Variants in MYO18B observed in about 807,000 individuals in gnomAD.
The protein encoded by MYO18B is unconventional myosin-XVIIIb.
In MYO18B, 204 loss-of-function variants were observed where a neutral mutation model predicts 273.0. The observed-to-expected ratio is 0.75, with a 90% CI of 0.67 to 0.84. MYO18B has a LOEUF of 0.84. Ranked by LOEUF, MYO18B falls within the 40% of genes least tolerant of loss-of-function variation. The pLI is 0.00. For synonymous variants in MYO18B, 1,330 were observed against 1,305.7 expected, an observed-to-expected ratio of 1.02 and a Z score of -0.40; for missense variants, 3,212 against 3,287.6, an observed-to-expected ratio of 0.98 and a Z score of 0.56.
At position 25,847,540 on chromosome 22, in the gene MYO18B, G is replaced by C. The variant is rs1452579745; in HGVS notation, c.3663G>C (p.Gln1221His). 1 of 1,572,898 alleles carries C rather than the reference G, an allele frequency of 6.4e-7. No homozygotes were observed. The highest frequency in any genetic ancestry group is 1.2e-5 in the South Asian group (1 of 85,304). Residue 1221 changes from glutamine to histidine, a missense_variant, in exon 20 of 44, where the codon CAG (glutamine) becomes CAC (histidine). Physicochemically the swap from Gln to His is conservative, Grantham distance 24. Transcript: ENST00000335473. The part of the protein sequence containing the change: ...RSGQESPPPP[Q>H]PGRDKPGAGG... The stretch of plus-strand genomic sequence containing the variant: ...GGCAGGAATCTCCACCACCACCGCA[G>C]CCTGGTAGAGACAAGCCTGGGGCAG...
At chr22:25,993,398 G>T (rs1430838879) in intron 40 of MYO18B, among the ~76,000 whole-genome samples, 1 of 152,148 alleles carries the variant, frequency 6.6e-6, no homozygotes, top group African/African-American at 2.4e-5. Context: ...TTTCAATAAA[G>T]AATCTACAGG....
intron 12 of MYO18B, among the ~76,000 whole-genome samples, chr22:25,817,550 T>C (rs111331305): frequency 1.3e-5 from 2 of 152,074 alleles, no homozygotes; most frequent in South Asian, 2.1e-4. Context: ...ACCAAAGGAG[T>C]GACCTGACAA....
At chr22:25,992,608 G>A (rs942442244) in intron 40 of MYO18B, 115 bp downstream of exon 40, 2 of 1,354,260 alleles carry the variant, frequency 1.5e-6, no homozygotes, top group African/African-American at 2.9e-5. Context: ...AAAGATGTTC[G>A]GGGGCTGGAG....
chr22:25,850,473 G>A (rs928576166), intron 20 of MYO18B, among the ~76,000 whole-genome samples: 1 of 152,198 alleles, frequency 6.6e-6, no homozygotes. Context: ...AAATGAGGAT[G>A]ATAACATAGG....
intron 35 of MYO18B, among the ~76,000 whole-genome samples, chr22:25,946,827 G>A (rs1359638989): frequency 1.3e-5 from 2 of 152,122 alleles, no homozygotes; most frequent in South Asian, 2.1e-4. Context: ...CTCTTGGCCC[G>A]CTTAGGCTTA....
chr22:25,871,801 A>C (rs376432577), intron 22 of MYO18B, among the ~76,000 whole-genome samples: 5 of 152,180 alleles, frequency 3.3e-5, no homozygotes, highest in African/African-American at 1.2e-4. Context: ...AACAAAAAAC[A>C]AAAAACAAAA....
chr22:25,846,399 C>G (rs1262534069), intron 19 of MYO18B, 116 bp downstream of exon 19: 1 of 1,126,120 alleles, frequency 8.9e-7, no homozygotes, highest in South Asian at 1.5e-5. Flanking sequence ...GCCAGAGGGG[C>G]GAGTGTCACC....
intron 21 of MYO18B, among the ~76,000 whole-genome samples, chr22:25,855,848 G>A (rs1269498493): frequency 6.9e-6 from 1 of 145,824 alleles, no homozygotes; most frequent in Admixed American, 6.8e-5. Flanking sequence ...TTGAACTCTT[G>A]TTTTAGGTTC....
At chr22:25,849,606 A>G (rs1183707737) in intron 20 of MYO18B, among the ~76,000 whole-genome samples, 2 of 152,370 alleles carry the variant, frequency 1.3e-5, no homozygotes, top group South Asian at 2.1e-4. Context: ...AAAGGTATGT[A>G]GTAAACATTC....
chr22:25,770,862 G>A lies in MYO18B; in HGVS notation c.1580-10G>A, dbSNP rs1458863033. ...CCCGTTCCCCTTCTCTCTCTGGGATGTCCAACCAGCTACGGTGCTAAAGCC... is the reference window on the plus strand; with the variant it reads ...CCCGTTCCCCTTCTCTCTCTGGGATATCCAACCAGCTACGGTGCTAAAGCC... On this transcript the variant is annotated splice_polypyrimidine_tract_variant and intron_variant, in intron 5 of 43. Coordinates refer to ENST00000335473, the MANE Select transcript of MYO18B (RefSeq NM_032608.7). The A allele has an allele frequency of 1.3e-6, 2 of 1,548,558 alleles. No individual in the cohort carries two copies. Among genetic ancestry groups the A allele is most frequent in the Middle Eastern group, 1.7e-4 (1 of 6,006 alleles).
intron 16 of MYO18B, among the ~76,000 whole-genome samples, 191 bp from the exon 17 acceptor site, chr22:25,835,105 C>A (rs546453494): frequency 7.9e-5 from 12 of 152,204 alleles, no homozygotes; most frequent in Non-Finnish European, 1.6e-4. Context: ...AGACAGTTTG[C>A]AAATGAGAGG....
Position 25,915,292 on chromosome 22 carries a change from G to A in MYO18B, c.5364+4242G>A, listed in dbSNP as rs2092243371. 2.0e-5 allele frequency among the ~76,000 whole-genome samples: 3 copies of A among 152,140 alleles called. No homozygotes were observed. In the South Asian group the frequency reaches 6.2e-4, roughly 32 times the overall value. On this transcript the variant is annotated intron_variant, in intron 33 of 43. Coordinates refer to ENST00000335473, the MANE Select transcript of MYO18B (RefSeq NM_032608.7). ...TGCATCATTAGACAATTTCATCATT[G>A]TGGGAACATCCTAGAGTGCACTCAC...
At position 25,847,423 on chromosome 22, in the gene MYO18B, G is replaced by C; in HGVS notation, c.3553-7G>C. The C allele has an allele frequency of 6.4e-7, 1 of 1,559,554 alleles. No homozygotes were observed. Among genetic ancestry groups the C allele is most frequent in the Middle Eastern group, 1.7e-4 (1 of 5,982 alleles). On this transcript the variant is annotated splice_region_variant and splice_polypyrimidine_tract_variant and intron_variant, in intron 19 of 43. Coordinates refer to ENST00000335473, the MANE Select transcript of MYO18B (RefSeq NM_032608.7). ...AACTGGCCCTGACCTCCCTCTATTT[G>C]GTCTAGGATGCGCTGACCAGCATGA...
At chr22:25,905,285 G>A (rs552532213) in intron 31 of MYO18B, among the ~76,000 whole-genome samples, 2 of 152,258 alleles carry the variant, frequency 1.3e-5, no homozygotes, top group South Asian at 4.1e-4. Flanking sequence ...CAAGATCCAG[G>A]AAGTCTTGGA....
chr22:25,936,866 C>A (rs2092585091), intron 34 of MYO18B, among the ~76,000 whole-genome samples: 2 of 152,066 alleles, frequency 1.3e-5, no homozygotes, highest in Admixed American at 6.5e-5. Context: ...ATGGAGGCCC[C>A]ACCCTCATGA....
chr22:25,900,326 ATGAC>A (rs1308861016), intron 29 of MYO18B: 2 of 152,234 alleles, frequency 1.3e-5, no homozygotes, highest in Non-Finnish European at 2.9e-5. Flanking sequence ...TTCAGGCAGA[ATGAC>A]TATGGTGAAG....
chr22:25,862,612 GTT>G (rs2090768596), intron 21 of MYO18B, among the ~76,000 whole-genome samples: 1 of 152,142 alleles, frequency 6.6e-6, no homozygotes, highest in Non-Finnish European at 1.5e-5. Context: ...TGATTGACAT[GTT>G]TGTTTTTTCC....
At position 25,843,839 on chromosome 22, in the gene MYO18B, G is replaced by A. The variant is rs2090156350; in HGVS notation, c.3313G>A (p.Ala1105Thr). The A allele has an allele frequency of 8.7e-6, 14 of 1,613,750 alleles. No homozygotes were observed. Among genetic ancestry groups the A allele is most frequent in the Non-Finnish European group, 1.2e-5 (14 of 1,179,662 alleles). ...RYDLTGWLHR[A>T]KPNLSALDAP... The stretch of plus-strand genomic sequence containing the variant: ...CGACCTCACGGGCTGGCTCCACAGA[G>A]CCAAGCCCAACCTCTCGGCCCTGGA... Residue 1105 changes from alanine to threonine, a missense_variant, in exon 18 of 44, where the codon GCC becomes ACC. By Grantham distance (58) the Ala-to-Thr change is moderately conservative (BLOSUM62 0). Coordinates refer to ENST00000335473, the MANE Select transcript of MYO18B (RefSeq NM_032608.7).
At chr22:25,813,121 T>C (rs2088836364) in intron 12 of MYO18B, among the ~76,000 whole-genome samples, 1 of 147,068 alleles carries the variant, frequency 6.8e-6, no homozygotes, top group Non-Finnish European at 1.5e-5. Context: ...CCTCCACTTC[T>C]CCCTTCCCTC....
Sources: allele counts gnomAD v4.1 joint callset (sites outside exome capture counted in the v4.1 genomes callset), GRCh38; gene constraint gnomAD v4.1.1; transcripts MANE v1.5; gene names NCBI Gene and HGNC (gene_info 2026-07-23, HGNC 2026-07-21).